The following ILKAP variants were observed in gnomAD, a reference collection of about 807,000 sequenced individuals.
ILKAP encodes the protein integrin-linked kinase-associated serine/threonine phosphatase 2C.
ILKAP carries 11 observed loss-of-function variants against 49.1 expected under a neutral mutation model. The observed-to-expected ratio is 0.22, with a 90% CI of 0.14 to 0.37. ILKAP has a LOEUF of 0.37. ILKAP is among the 10% of genes least tolerant of loss of function. The pLI, the probability that ILKAP is intolerant of heterozygous loss-of-function variation, is 1.00. For missense variants in ILKAP, 363 were observed against 510.8 expected (o/e 0.71, Z 2.79); for synonymous variants, 186 against 192.8 (o/e 0.96, Z 0.29).
chr2:238,201,383 G>A (rs766141035), intron 1 of ILKAP, among the ~76,000 whole-genome samples: 5 of 152,044 alleles, frequency 3.3e-5, no homozygotes, highest in South Asian at 2.1e-4. Context: ...GATCTTCTTC[G>A]TTTTAAAGCT....
chr2:238,183,578 T>C, intron 8 of ILKAP, 75 bp downstream of exon 8: 1 of 1,039,096 alleles, frequency 9.6e-7, no homozygotes, highest in Middle Eastern at 2.0e-4. Context: ...TTAATCTTAT[T>C]CAACAAGTAC....
At chr2:238,203,407 C>A (rs1424488419) in intron 1 of ILKAP, 92 bp downstream of exon 1, 68 of 526,196 alleles carry the variant, frequency 1.3e-4, no homozygotes, top group Admixed American at 1.7e-4. Context: ...CGCCTCCCAG[C>A]GCGGGCGCCG....
intron 1 of ILKAP, 101 bp from the exon 2 acceptor site, chr2:238,194,971 G>A: frequency 1.1e-6 from 1 of 892,954 alleles, no homozygotes; most frequent in Non-Finnish European, 1.8e-6. Context: ...ACACAAGTTT[G>A]CTATTAGATT....
intron 1 of ILKAP, among the ~76,000 whole-genome samples, chr2:238,200,008 T>G (rs1574812232): frequency 6.6e-6 from 1 of 152,348 alleles, no homozygotes; most frequent in East Asian, 1.9e-4. Flanking sequence ...AGTACTAGTG[T>G]AGCAACCAAA....
At chr2:238,184,737 T>G (rs913697636) in intron 6 of ILKAP, among the ~76,000 whole-genome samples, 4 of 149,286 alleles carry the variant, frequency 2.7e-5, no homozygotes, top group Admixed American at 2.0e-4. Context: ...GGTTTGTTTT[T>G]TTTTTTTATA....
At chr2:238,194,013 TTAAGAG>T (rs1694249875) in intron 3 of ILKAP, among the ~76,000 whole-genome samples, 2 of 152,210 alleles carry the variant, frequency 1.3e-5, no homozygotes, top group Admixed American at 6.5e-5. Flanking sequence ...AATAACAAAG[TTAAGAG>T]TAAATTAGTG....
Position 238,189,689 on chromosome 2 carries a change from A to G in ILKAP, c.298+164T>C, listed in dbSNP as rs1694043558. The G allele has an allele frequency of 5.4e-6, 3 of 552,310 alleles. No individual in the cohort carries two copies. The East Asian group carries it at 1.0e-4, about 19-fold the overall frequency. 34.2% of individuals were successfully genotyped at this position (552,310 alleles called of 1,614,324 possible). A position where few individuals can be genotyped will look rare whatever the true frequency, so the allele number is the denominator to read the frequency against. Reference sequence around the variant, plus strand: ...GATAGATGTACATGAAAAGTAGGAGAAAGCACAGAGAAACTTGGAAATTCA... The same window carrying G: ...GATAGATGTACATGAAAAGTAGGAGGAAGCACAGAGAAACTTGGAAATTCA... On this transcript the variant is annotated intron_variant, in intron 4 of 11. Coordinates refer to ENST00000254654, the MANE Select transcript of ILKAP (RefSeq NM_030768.3).
chr2:238,185,437 G>C (rs189226068), intron 5 of ILKAP, 150 bp from the exon 6 acceptor site: 110 of 524,118 alleles, frequency 2.1e-4, no homozygotes, highest in Non-Finnish European at 1.0e-4. Context: ...TTACAAATGG[G>C]AAAAAAAAGG....
chr2:238,190,792 G>A (rs994494354), intron 3 of ILKAP, among the ~76,000 whole-genome samples: 1 of 146,768 alleles, frequency 6.8e-6, no homozygotes, highest in African/African-American at 2.5e-5. Flanking sequence ...TGCAGTCACA[G>A]CTACTTCTGG....
chr2:238,172,361 C>T (rs1249240994), intron 10 of ILKAP, among the ~76,000 whole-genome samples: 1 of 152,186 alleles, frequency 6.6e-6, no homozygotes, highest in African/African-American at 2.4e-5. Context: ...CTGTTTTCCT[C>T]GTTTAACTAG....
chr2:238,183,802 T>G, intron 7 of ILKAP, 62 bp from the exon 8 acceptor site: 1 of 1,258,436 alleles, frequency 7.9e-7, no homozygotes, highest in African/African-American at 1.5e-5. Context: ...GAGACTAATT[T>G]CCAGAGCTCA....
rs559895157 is a variant in ILKAP at position 238,190,642 on chromosome 2, G to A, written c.179-670C>T. On this transcript the variant is annotated intron_variant, in intron 3 of 11. Coordinates refer to ENST00000254654, the MANE Select transcript of ILKAP (RefSeq NM_030768.3). ...AGAGGGATGTTTGAAAATGGGTCAG[G>A]ACAAGTAGGAAGAGCATTTGTCACA... Among the ~76,000 whole-genome samples, 11 of 152,260 alleles carry A rather than the reference G, an allele frequency of 7.2e-5. No homozygotes were observed. The South Asian group carries it at 2.1e-3, about 29-fold the overall frequency.
Position 238,189,900 on chromosome 2 carries a change from T to C in ILKAP, c.251A>G (p.Glu84Gly). The change falls in exon 4 of 12, where the codon GAA (glutamate) becomes GGA (glycine). Residue 84 changes from glutamate to glycine, a missense_variant. Coordinates refer to ENST00000254654, the MANE Select transcript of ILKAP (RefSeq NM_030768.3). Reference protein sequence around the residue: ...GKGAKRKTSEEEKNGSEELVE... With the variant: ...GKGAKRKTSEGEKNGSEELVE... ...AAGCTCTTCACTGCCATTCTTCTCT[T>C]CCTCGGAGGTTTTTCTCTTTGCTCC... 6.2e-7 allele frequency: 1 copy of C among 1,614,100 alleles called. No individual in the cohort carries two copies. The highest frequency in any genetic ancestry group is 8.5e-7 in the Non-Finnish European group (1 of 1,179,942).
intron 3 of ILKAP, 62 bp from the exon 4 acceptor site, chr2:238,190,034 T>C: frequency 1.3e-6 from 2 of 1,571,312 alleles, no homozygotes; most frequent in East Asian, 2.3e-5. Context: ...AAGTCACTAG[T>C]AGACTGGGCT....
rs531146033 is a variant in ILKAP, at chr2:238,173,592, G to A, written c.898C>T (p.Arg300Cys). Residue 300 changes from arginine to cysteine, a missense_variant, in exon 10 of 12, where the codon CGC becomes TGC. Arg to Cys is a radical substitution (Grantham distance 180). Coordinates refer to ENST00000254654, the MANE Select transcript of ILKAP (RefSeq NM_030768.3). ...SRSIGDGQYK[R>C]CGVTSVPDIR... ...TCGGGCACAGAGGTGACACCGCAGC[G>A]CTTGTACTGCCCGTCCCCAATGGAG... 22 of 1,614,024 alleles carry A rather than the reference G, an allele frequency of 1.4e-5. No individual in the cohort carries two copies. Among genetic ancestry groups the A allele is most frequent in the East Asian group, 2.2e-5 (1 of 44,888 alleles).
chr2:238,181,625 G>GTGT (rs1559291937), intron 9 of ILKAP, among the ~76,000 whole-genome samples: 1 of 135,610 alleles, frequency 7.4e-6, no homozygotes, highest in Non-Finnish European at 1.6e-5. Context: ...TTTTTTTTTG[G>GTGT]TTTTTTTTTT....
Position 238,188,026 on chromosome 2 carries a change from T to C in ILKAP, c.425+105A>G, listed in dbSNP as rs568039931. On this transcript the variant is annotated intron_variant, in intron 5 of 11. Coordinates refer to ENST00000254654, the MANE Select transcript of ILKAP (RefSeq NM_030768.3). Reference sequence around the variant, plus strand: ...TGAGAATCACTGATGTACAATCAAGTGATGTGTTAGATTTTCTAGTAAATA... The same window carrying C: ...TGAGAATCACTGATGTACAATCAAGCGATGTGTTAGATTTTCTAGTAAATA... 1.2e-4 allele frequency: 156 copies of C among 1,270,538 alleles called. 1 individual carries two copies. The South Asian group carries it at 2.0e-3, about 16-fold the overall frequency. The allele number at this position is 1,270,538 out of a possible 1,614,324, so 78.7% of individuals were successfully genotyped here. A position where few individuals can be genotyped will look rare whatever the true frequency, so the allele number is the denominator to read the frequency against.
chr2:238,171,152 T>TC (rs1693200750), intron 10 of ILKAP, 128 bp from the exon 11 acceptor site: 1 of 630,924 alleles, frequency 1.6e-6, no homozygotes, highest in Non-Finnish European at 2.7e-6. Flanking sequence ...GTTTTTTTTT[T>TC]CTTTTTTCTT....
chr2:238,176,223 G>A (rs928478481), intron 9 of ILKAP, among the ~76,000 whole-genome samples: 3 of 136,220 alleles, frequency 2.2e-5, no homozygotes, highest in Non-Finnish European at 4.6e-5. Context: ...AACCTCTGCC[G>A]CCTGGGTTCA....
Sources: gnomAD v4.1 joint callset for allele counts (sites outside exome capture counted in the v4.1 genomes callset) on GRCh38, gnomAD v4.1.1 for gene constraint, MANE v1.5 for transcripts, NCBI Gene and HGNC (gene_info 2026-07-23, HGNC 2026-07-21) for gene names.